The following PPP1R16A variants were observed in gnomAD, a reference collection of about 807,000 sequenced individuals.
PPP1R16A encodes the protein protein phosphatase 1 regulatory subunit 16A, also known as myosin phosphatase-targeting subunit 3.
Under a neutral mutation model 46.6 loss-of-function variants are expected in PPP1R16A, and 39 were observed. That is an observed-to-expected ratio of 0.84 (90% CI 0.65 to 1.09). The LOEUF (loss-of-function observed/expected upper bound fraction) is 1.09. Ranked by LOEUF, PPP1R16A falls within the 50% of genes least tolerant of loss-of-function variation. The pLI is 0.00. For synonymous variants in PPP1R16A, 413 were observed against 321.5 expected (o/e 1.28, Z -3.04); for missense variants, 798 against 735.6 (o/e 1.08, Z -0.98).
rs746958634 is a variant in PPP1R16A at position 144,500,379 on chromosome 8, C to T, written c.693C>T (p.His231=). The change falls in exon 7 of 12, where the codon CAC becomes CAT. Residue 231 remains histidine, a synonymous_variant. Coordinates refer to ENST00000435887, the MANE Select transcript of PPP1R16A (RefSeq NM_001329443.2). The part of the protein sequence containing the change: ...AGADLHAPLD[H]GATLLHVAAA... ...CAGACCTCCATGCCCCCCTGGACCACGGGGCCACGCTGGTGAGGGCTGGGG... is the reference window on the plus strand; with the variant it reads ...CAGACCTCCATGCCCCCCTGGACCATGGGGCCACGCTGGTGAGGGCTGGGG... The T allele has an allele frequency of 6.5e-7, 1 of 1,527,304 alleles. No individual in the cohort carries two copies. Among genetic ancestry groups the T allele is most frequent in the East Asian group, 2.5e-5 (1 of 40,662 alleles). 94.6% of individuals were successfully genotyped at this position (1,527,304 alleles called of 1,614,324 possible).
chr8:144,497,108 T>C lies in PPP1R16A; in HGVS notation c.-87T>C, dbSNP rs1264002203. On this transcript the variant is annotated 5_prime_UTR_variant, in exon 3 of 12. Transcript: ENST00000435887. ...ATGCCCCCGAGGGTGCCAGTCCAGC[T>C]AGCTGCCCCACCCCTCAGGCCCAGC... 6.6e-7 allele frequency: 1 copy of C among 1,511,528 alleles called. No homozygotes were observed. 93.6% of individuals were successfully genotyped at this position (1,511,528 alleles called of 1,614,324 possible).
At chr8:144,486,504 C>G (rs1320257905) in intron 1 of PPP1R16A, among the ~76,000 whole-genome samples, 1 of 152,226 alleles carries the variant, frequency 6.6e-6, no homozygotes, top group East Asian at 1.9e-4. Flanking sequence ...CACAGGTTTT[C>G]ATCAGCTCCT....
At chr8:144,487,980 A>G (rs1396292915) in intron 1 of PPP1R16A, among the ~76,000 whole-genome samples, 1 of 152,208 alleles carries the variant, frequency 6.6e-6, no homozygotes, top group South Asian at 2.1e-4. Context: ...GTCTCCTCCT[A>G]TATCTTCCCA....
Position 144,497,142 on chromosome 8 carries a change from C to T in PPP1R16A, c.-53C>T, listed in dbSNP as rs1291268254. The T allele has an allele frequency of 2.6e-6, 4 of 1,537,458 alleles. No homozygotes were observed. The South Asian group carries it at 4.8e-5, about 18-fold the overall frequency. ...CACCCCTCAGGCCCAGCCTGGCCCC[C>T]AAGCTCCCCACTCTGGTGCCCCGAG... On this transcript the variant is annotated 5_prime_UTR_variant, in exon 3 of 12. Transcript: ENST00000435887.
Position 144,493,463 on chromosome 8 carries a change from C to T in PPP1R16A, c.-734-2998C>T, listed in dbSNP as rs1825901795. Among the ~76,000 whole-genome samples, 1 of 152,194 alleles carries T rather than the reference C, an allele frequency of 6.6e-6. No homozygotes were observed. The highest frequency in any genetic ancestry group is 2.4e-5 in the African/African-American group (1 of 41,458). On this transcript the variant is annotated intron_variant, in intron 2 of 11. Transcript: ENST00000435887. The surrounding 1 kb of genome is among the most constrained non-coding windows in gnomAD (Gnocchi z 4.3). Reference sequence around the variant, plus strand: ...AGCCAAGGGGCAAGTCTTCTCAGCTCTGGTGGGCTGTTCCTGGTCCATCTT... The same window carrying T: ...AGCCAAGGGGCAAGTCTTCTCAGCTTTGGTGGGCTGTTCCTGGTCCATCTT...
chr8:144,486,939 C>G (rs1009426330), intron 1 of PPP1R16A, among the ~76,000 whole-genome samples: 3 of 152,116 alleles, frequency 2.0e-5, no homozygotes, highest in Admixed American at 6.5e-5. Context: ...ATTATTTTAC[C>G]TTTACGTTAG....
In PPP1R16A at chr8:144,501,729, C is replaced by G; in HGVS notation, c.1413C>G (p.Pro471=). ...RQRAAAKLQR[P]PPEGPESPET... ...GAGCTGCTGCCAAGCTGCAGCGACC[C>G]CCACCTGAGGGGCCCGAGAGCCCTG... Residue 471 remains proline, a synonymous_variant, in exon 12 of 12, where the codon CCC becomes CCG. Transcript: ENST00000435887. 6.3e-7 allele frequency: 1 copy of G among 1,587,014 alleles called. No individual in the cohort carries two copies.
chr8:144,483,698 G>A (rs1157570079), intron 1 of PPP1R16A, among the ~76,000 whole-genome samples: 4 of 138,050 alleles, frequency 2.9e-5, no homozygotes, highest in Admixed American at 7.9e-5. Flanking sequence ...GAGCCACTGC[G>A]CCCGGTCTCT....
intron 5 of PPP1R16A, chr8:144,499,377 A>G (rs1255107515): frequency 2.6e-6 from 1 of 378,684 alleles, no homozygotes; most frequent in Non-Finnish European, 4.8e-6. Context: ...GGAGGGAAGC[A>G]GAGTGAGGAG....
At chr8:144,486,375 C>A (rs1230521170) in intron 1 of PPP1R16A, among the ~76,000 whole-genome samples, 1 of 152,084 alleles carries the variant, frequency 6.6e-6, no homozygotes, top group African/African-American at 2.4e-5. Context: ...CTTAAATTTT[C>A]ATTTCTCTGG....
chr8:144,490,895 CAAAA>C (rs1188092547), intron 2 of PPP1R16A, among the ~76,000 whole-genome samples: 5 of 152,002 alleles, frequency 3.3e-5, no homozygotes, highest in Admixed American at 2.6e-4. Flanking sequence ...ACTCCACACA[CAAAA>C]AAGACAATAA....
chr8:144,486,521 T>C (rs1825633224), intron 1 of PPP1R16A, among the ~76,000 whole-genome samples: 1 of 152,214 alleles, frequency 6.6e-6, no homozygotes, highest in Non-Finnish European at 1.5e-5. Context: ...TCCTGTGAGA[T>C]TCCTTTGTCC....
intron 1 of PPP1R16A, among the ~76,000 whole-genome samples, chr8:144,486,944 C>G (rs185071790): frequency 3.7e-4 from 57 of 152,264 alleles, no homozygotes; most frequent in African/African-American, 1.3e-3. Context: ...TTTACCTTTA[C>G]GTTAGATTTG....
intron 2 of PPP1R16A, among the ~76,000 whole-genome samples, chr8:144,491,030 G>A (rs1021868758): frequency 6.6e-6 from 1 of 152,118 alleles, no homozygotes; most frequent in African/African-American, 2.4e-5. Context: ...CTGCACTCCA[G>A]CGTGGGGACA....
At chr8:144,494,813 G>A (rs1825978403) in intron 2 of PPP1R16A, among the ~76,000 whole-genome samples, 1 of 152,198 alleles carries the variant, frequency 6.6e-6, no homozygotes, top group African/African-American at 2.4e-5. Flanking sequence ...TGGGCTGTGA[G>A]TGGCTGGCAG....
At chr8:144,499,223 TC>T in intron 5 of PPP1R16A, 162 bp downstream of exon 5, 1 of 942,358 alleles carries the variant, frequency 1.1e-6, no homozygotes, top group Non-Finnish European at 1.5e-6. Context: ...GGCCTGGGGC[TC>T]CAGGGGAATG....
rs978840009 is a variant in PPP1R16A at position 144,501,111 on chromosome 8, C to T, written c.1038-18C>T. 5 of 1,609,128 alleles carry T rather than the reference C, an allele frequency of 3.1e-6. No individual in the cohort carries two copies. The highest frequency in any genetic ancestry group is 1.7e-5 in the Admixed American group (1 of 59,916). On this transcript the variant is annotated intron_variant, in intron 10 of 11. Coordinates refer to ENST00000435887, the MANE Select transcript of PPP1R16A (RefSeq NM_001329443.2). ...GGCACTCCCCTTCCCCTCACTCCCT[C>T]TCCTCTCTCCTCCCCAGGAAGGTGG...
rs114384469 is a variant in PPP1R16A, at chr8:144,488,045, C to T, written c.-913-1989C>T. Among the ~76,000 whole-genome samples the T allele has an allele frequency of 5.9e-3, 904 of 152,346 alleles. 12 individuals carry two copies. The highest frequency in any genetic ancestry group is 0.021 in the African/African-American group (871 of 41,568). ...ATCTTTTGTTAGGCTTATTCCGAGG[C>T]ATTGAGGCTTTTGGGTGCTATTCTG... On this transcript the variant is annotated intron_variant, in intron 1 of 11. Transcript: ENST00000435887.
At position 144,499,020 on chromosome 8, in the gene PPP1R16A, C is replaced by A. The variant is rs543919269; in HGVS notation, c.435C>A (p.Ala145=). ...SECWTPLHAA[A]TCGHLHLVEL... is the part of the protein sequence containing the mutation. ...GCTGGACGCCTCTGCATGCTGCGGC[C>A]ACCTGCGGCCACCTGCACCTGGTGG... Residue 145 remains alanine (A), a synonymous_variant, in exon 5 of 12, where the codon GCC becomes GCA. Coordinates refer to ENST00000435887, the MANE Select transcript of PPP1R16A (RefSeq NM_001329443.2). 12 of 1,589,592 alleles carry A rather than the reference C, an allele frequency of 7.5e-6. No individual in the cohort carries two copies. The African/African-American group carries it at 1.5e-4, about 20-fold the overall frequency.
Sources: gnomAD v4.1 joint callset for allele counts (sites outside exome capture counted in the v4.1 genomes callset) on GRCh38, gnomAD v4.1.1 for gene constraint, Gnocchi (gnomAD v3.1) non-coding constraint, MANE v1.5 for transcripts, NCBI Gene and HGNC (gene_info 2026-07-23, HGNC 2026-07-21) for gene names.